Variants in ARMC3 observed in about 807,000 individuals in gnomAD.
The protein encoded by ARMC3 is armadillo repeat-containing protein 3.
Under a neutral mutation model 90.3 loss-of-function variants are expected in ARMC3, and 74 were observed. The ratio of observed to expected loss-of-function variants is 0.82; its 90% CI spans 0.68 to 0.99. The LOEUF is 0.99. Ranked by LOEUF, ARMC3 falls within the 50% of genes least tolerant of loss-of-function variation. ARMC3 has a pLI of 0.00. For synonymous variants in ARMC3, 334 were observed against 361.8 expected, an observed-to-expected ratio of 0.92 and a Z score of 0.87; for missense variants, 958 against 1,042.8, an observed-to-expected ratio of 0.92 and a Z score of 1.12.
At chr10:22,938,492 T>C (rs1428174345) in intron 2 of ARMC3, among the ~76,000 whole-genome samples, 1 of 152,074 alleles carries the variant, frequency 6.6e-6, no homozygotes, top group Non-Finnish European at 1.5e-5. Context: ...AACATGAAAA[T>C]TGGAAGACCA....
chr10:22,975,936 G>T (rs1021898167), intron 8 of ARMC3, among the ~76,000 whole-genome samples: 1 of 152,156 alleles, frequency 6.6e-6, no homozygotes, highest in Non-Finnish European at 1.5e-5. Context: ...ATCATGGAAT[G>T]CAGAGGACTC....
chr10:23,026,051 C>T (rs1451425520), intron 16 of ARMC3, among the ~76,000 whole-genome samples: 1 of 152,082 alleles, frequency 6.6e-6, no homozygotes, highest in Non-Finnish European at 1.5e-5. Flanking sequence ...AAATAGACAA[C>T]AGCCCTGTAA....
chr10:22,947,653 T>C (rs1263534718), intron 3 of ARMC3, among the ~76,000 whole-genome samples: 1 of 152,166 alleles, frequency 6.6e-6, no homozygotes, highest in Non-Finnish European at 1.5e-5. Context: ...AATAACTAAG[T>C]ACTTTTGTTA....
chr10:23,029,299 A>T (rs1429812672), intron 16 of ARMC3, among the ~76,000 whole-genome samples: 1 of 152,200 alleles, frequency 6.6e-6, no homozygotes, highest in Non-Finnish European at 1.5e-5. Context: ...GGATAAACTC[A>T]TCATCAGTAG....
intron 14 of ARMC3, among the ~76,000 whole-genome samples, chr10:23,007,735 C>T (rs946660791): frequency 1.3e-5 from 2 of 148,752 alleles, no homozygotes; most frequent in African/African-American, 4.9e-5. Flanking sequence ...AGCGAGAGAT[C>T]GTGTATATCT....
At chr10:23,006,763 T>C in intron 13 of ARMC3, 121 bp from the exon 14 acceptor site, 1 of 763,444 alleles carries the variant, frequency 1.3e-6, no homozygotes, top group South Asian at 1.4e-5. Context: ...ATTGTACATG[T>C]GTGTGTTTGT....
At chr10:22,945,081 A>G (rs1834474771) in intron 2 of ARMC3, among the ~76,000 whole-genome samples, 1 of 152,204 alleles carries the variant, frequency 6.6e-6, no homozygotes. Flanking sequence ...TCCAAAAGGG[A>G]AATTTTATCC....
At position 23,037,547 on chromosome 10, in the gene ARMC3, CA is replaced by C. The variant is rs1301043824; in HGVS notation, c.*71del. 2.1e-5 allele frequency: 27 copies of C among 1,265,988 alleles called. No individual in the cohort carries two copies. The highest frequency in any genetic ancestry group is 2.8e-5 in the Non-Finnish European group (26 of 940,538). 78.4% of individuals were successfully genotyped at this position (1,265,988 alleles called of 1,614,324 possible). ...TGTGTACACTCTCTAAGACATTCTC[CA>C]AATTGATTTTATCTCTTTAAATAAA... On this transcript the variant is annotated 3_prime_UTR_variant, in exon 19 of 19. Coordinates refer to ENST00000298032, the MANE Select transcript of ARMC3 (RefSeq NM_173081.5).
intron 16 of ARMC3, among the ~76,000 whole-genome samples, chr10:23,010,066 T>C (rs1301812188): frequency 6.6e-6 from 1 of 151,974 alleles, no homozygotes; most frequent in African/African-American, 2.4e-5. Context: ...TTGCTCAATA[T>C]TCTCATCACT....
intron 10 of ARMC3, among the ~76,000 whole-genome samples, chr10:22,990,083 G>T (rs190756539): frequency 3.3e-5 from 5 of 152,098 alleles, no homozygotes; most frequent in Non-Finnish European, 7.4e-5. Context: ...GCATAACCTC[G>T]TTTTAAAGTT....
At chr10:22,990,998 C>G (rs939792364) in intron 10 of ARMC3, among the ~76,000 whole-genome samples, 2 of 152,082 alleles carry the variant, frequency 1.3e-5, no homozygotes, top group Non-Finnish European at 2.9e-5. Context: ...GCCTCCTCCT[C>G]TCTGCTTCCT....
intron 16 of ARMC3, chr10:23,014,319 G>A (rs1838168299): frequency 2.1e-6 from 3 of 1,411,720 alleles, no homozygotes; most frequent in East Asian, 2.6e-5. Context: ...GGGGCTCAAT[G>A]TGCGTCCCTT....
intron 2 of ARMC3, among the ~76,000 whole-genome samples, chr10:22,944,912 A>G (rs1437850174): frequency 2.6e-5 from 4 of 152,212 alleles, no homozygotes; most frequent in African/African-American, 4.8e-5. Context: ...CTGATTTTTT[A>G]CTGAAGATTT....
chr10:22,975,308 G>A (rs958869069), intron 8 of ARMC3, among the ~76,000 whole-genome samples: 18 of 152,110 alleles, frequency 1.2e-4, no homozygotes, highest in South Asian at 4.1e-4. Context: ...TACTCCCAGC[G>A]GTTTGGGAGG....
At chr10:23,037,224 C>A (rs759019433) in intron 18 of ARMC3, 46 bp from the exon 19 acceptor site, 2 of 1,479,308 alleles carry the variant, frequency 1.4e-6, no homozygotes, top group South Asian at 2.8e-5. Context: ...TATTCCCCAC[C>A]CCTCTCCCGC....
chr10:22,984,201 C>A (rs988784496), intron 10 of ARMC3, among the ~76,000 whole-genome samples: 4 of 152,198 alleles, frequency 2.6e-5, no homozygotes, highest in Non-Finnish European at 5.9e-5. Context: ...CTCCTACACG[C>A]ATATCTTAAT....
At chr10:22,998,705 A>G (rs531238929) in intron 11 of ARMC3, among the ~76,000 whole-genome samples, 11 of 152,314 alleles carry the variant, frequency 7.2e-5, no homozygotes, top group African/African-American at 1.4e-4. Context: ...AAATTGTCCA[A>G]TTGTTAAGAA....
chr10:22,975,194 C>T (rs546712683), intron 8 of ARMC3, among the ~76,000 whole-genome samples: 1 of 152,194 alleles, frequency 6.6e-6, no homozygotes, highest in South Asian at 2.1e-4. Flanking sequence ...GGTTTGTTGC[C>T]TTCAAACATA....
intron 2 of ARMC3, among the ~76,000 whole-genome samples, chr10:22,932,434 T>G (rs1476054363): frequency 6.6e-6 from 1 of 152,200 alleles, no homozygotes; most frequent in Admixed American, 6.5e-5. Flanking sequence ...GATATGTATA[T>G]AAGGTTGTCT....
Sources: gnomAD v4.1 joint callset for allele counts (sites outside exome capture counted in the v4.1 genomes callset) on GRCh38, gnomAD v4.1.1 for gene constraint, MANE v1.5 for transcripts, NCBI Gene and HGNC (gene_info 2026-07-23, HGNC 2026-07-21) for gene names.